Variants in RIOK1 observed in about 807,000 individuals in gnomAD.
RIOK1 encodes the protein RIO kinase 1, also known as serine/threonine-protein kinase RIO1.
A neutral mutation model predicts 73.5 loss-of-function variants in RIOK1; 66 were observed. The ratio of observed to expected loss-of-function variants is 0.90; its 90% CI spans 0.74 to 1.10. RIOK1 has a LOEUF of 1.10. Ranked by LOEUF, RIOK1 falls within the 50% of genes least tolerant of loss-of-function variation. The pLI is 0.00. For synonymous variants in RIOK1, 224 were observed against 226.8 expected, an observed-to-expected ratio of 0.99 and a Z score of 0.11; for missense variants, 658 against 699.8, an observed-to-expected ratio of 0.94 and a Z score of 0.67.
At chr6:7,400,554 GT>G (rs1178448048) in intron 5 of RIOK1, among the ~76,000 whole-genome samples, 8 of 152,134 alleles carry the variant, frequency 5.3e-5, no homozygotes, top group Admixed American at 5.2e-4. Flanking sequence ...AAATGATAGC[GT>G]TTTAGATATT....
chr6:7,395,513 CAAA>C (rs34911861), intron 3 of RIOK1, among the ~76,000 whole-genome samples: 2 of 108,160 alleles, frequency 1.8e-5, no homozygotes, highest in Admixed American at 9.3e-5. Context: ...AATTCCATCT[CAAA>C]AAAAAAAAAA....
chr6:7,417,275 C>A, intron 16 of RIOK1, 56 bp from the exon 17 acceptor site: 1 of 1,205,700 alleles, frequency 8.3e-7, no homozygotes, highest in Non-Finnish European at 1.2e-6. Flanking sequence ...AAAACAAAAA[C>A]AAAAAATGCA....
chr6:7,404,036 A>C lies in RIOK1; in HGVS notation c.854+9A>C. 1 of 1,565,064 alleles carries C rather than the reference A, an allele frequency of 6.4e-7. No individual in the cohort carries two copies. Among genetic ancestry groups the C allele is most frequent in the Non-Finnish European group, 8.8e-7 (1 of 1,136,370 alleles). On this transcript the variant is annotated intron_variant, in intron 9 of 16. Transcript: ENST00000379834. ...ATCGGTAAAGATGACATGTAAGTAC[A>C]TGGAAGGGCTAATAATTGCATTCTC... is the stretch of plus-strand genomic sequence containing the variant.
chr6:7,413,554 T>C (rs1761935012), intron 15 of RIOK1, among the ~76,000 whole-genome samples: 1 of 152,240 alleles, frequency 6.6e-6, no homozygotes, highest in African/African-American at 2.4e-5. Context: ...GTCTTTTCTG[T>C]GGAAAGAATT....
intron 13 of RIOK1, 51 bp downstream of exon 13, chr6:7,410,502 GTTT>G: frequency 1.0e-6 from 1 of 1,002,680 alleles, no homozygotes; most frequent in Non-Finnish European, 1.4e-6. Flanking sequence ...TGTTTTGAGG[GTTT>G]TTTTTTTTAT....
In RIOK1 at chr6:7,411,411, T is replaced by G. The variant is rs779642529; in HGVS notation, c.1349T>G (p.Leu450Trp). 1.8e-5 allele frequency: 29 copies of G among 1,613,922 alleles called. No individual in the cohort carries two copies. Among genetic ancestry groups the G allele is most frequent in the Non-Finnish European group, 2.2e-5 (26 of 1,179,926 alleles). Reference sequence around the variant, plus strand: ...AGGGATATGGACATAATTATGAAATTGAAGGAAGAGGACATGGCCATGAAT... The same window carrying G: ...AGGGATATGGACATAATTATGAAATGGAAGGAAGAGGACATGGCCATGAAT... Reference protein sequence around the residue: ...YERDMDIIMKLKEEDMAMNAQ... With the variant: ...YERDMDIIMKWKEEDMAMNAQ... Residue 450 changes from leucine to tryptophan, a missense_variant, in exon 14 of 17, where the codon TTG (leucine) becomes TGG (tryptophan). Physicochemically the swap from Leu to Trp is moderately conservative, Grantham distance 61. Transcript: ENST00000379834.
At position 7,414,398 on chromosome 6, in the gene RIOK1, A is replaced by G. The variant is rs1040959530; in HGVS notation, c.1596+8A>G. 6 of 1,596,920 alleles carry G rather than the reference A, an allele frequency of 3.8e-6. No homozygotes were observed. In the East Asian group the frequency reaches 1.1e-4, roughly 30 times the overall value. ...CCTGACATTGATAAAAAAGTAAGCA[A>G]TGAAATACCTTCCCCTTTTCTTTAG... On this transcript the variant is annotated splice_region_variant and intron_variant, in intron 16 of 16. Coordinates refer to ENST00000379834, the MANE Select transcript of RIOK1 (RefSeq NM_031480.3).
In RIOK1 at chr6:7,395,293, C is replaced by T. The variant is rs548330132; in HGVS notation, c.367+150C>T. The T allele has an allele frequency of 3.3e-5, 25 of 752,732 alleles. No homozygotes were observed. In the East Asian group the frequency reaches 6.9e-4, roughly 21 times the overall value. 46.6% of individuals were successfully genotyped at this position (752,732 alleles called of 1,614,324 possible). On this transcript the variant is annotated intron_variant, in intron 3 of 16. Coordinates refer to ENST00000379834, the MANE Select transcript of RIOK1 (RefSeq NM_031480.3). ...CTTTGGGAGGCTGAAGTGGGTGGAT[C>T]ACCTGAGGTCAGGAGTTTGAGACCA...
Position 7,404,913 on chromosome 6 carries a change from C to G in RIOK1, c.993-5C>G. ...TCCCACAGCTTCTGTGTCTCTGGCC[C>G]ATAGGTACCACGGTGGAGGCGTGTA... is the stretch of plus-strand genomic sequence containing the variant. On this transcript the variant is annotated splice_region_variant and splice_polypyrimidine_tract_variant and intron_variant, in intron 10 of 16. Coordinates refer to ENST00000379834, the MANE Select transcript of RIOK1 (RefSeq NM_031480.3). The G allele has an allele frequency of 1.9e-6, 3 of 1,610,890 alleles. No homozygotes were observed. Among genetic ancestry groups the G allele is most frequent in the Non-Finnish European group, 2.5e-6 (3 of 1,177,212 alleles).
Position 7,401,689 on chromosome 6 carries a change from C to CT in RIOK1, c.573+658dup, listed in dbSNP as rs35177259. Among the ~76,000 whole-genome samples the CT allele has an allele frequency of 6.4e-3, 702 of 109,234 alleles. 8 individuals are homozygous for CT. Among genetic ancestry groups the CT allele is most frequent in the South Asian group, 0.024 (82 of 3,396 alleles). The allele number at this position is 109,234 out of a possible 152,430, so 71.7% of individuals were successfully genotyped here. A position where few individuals can be genotyped will look rare whatever the true frequency, so the allele number is the denominator to read the frequency against. Reference sequence around the variant, plus strand: ...TTTTTAAATTTTTTTTAAACAGAGTCTTTTTTTTTTTTTTTTTTTGAGACA... The same window carrying CT: ...TTTTTAAATTTTTTTTAAACAGAGTCTTTTTTTTTTTTTTTTTTTTGAGACA... On this transcript the variant is annotated intron_variant, in intron 6 of 16. Transcript: ENST00000379834.
intron 2 of RIOK1, 92 bp downstream of exon 2, chr6:7,393,395 A>G: frequency 9.5e-7 from 1 of 1,056,618 alleles, no homozygotes; most frequent in East Asian, 2.4e-5. Context: ...TTGAATAACT[A>G]AAAGATTTTC....
chr6:7,402,389 G>A (rs974895034), intron 6 of RIOK1, among the ~76,000 whole-genome samples: 1 of 152,130 alleles, frequency 6.6e-6, no homozygotes, highest in African/African-American at 2.4e-5. Context: ...TAACTAAAAC[G>A]TTATGTGGCA....
rs369847797 is a variant in RIOK1 at position 7,414,314 on chromosome 6, C to T, written c.1520C>T (p.Ser507Phe). The T allele has an allele frequency of 6.2e-7, 1 of 1,613,788 alleles. No individual in the cohort carries two copies. Among genetic ancestry groups the T allele is most frequent in the Non-Finnish European group, 8.5e-7 (1 of 1,179,904 alleles). The change falls in exon 16 of 17, where the codon TCT becomes TTT. Residue 507 changes from serine to phenylalanine, a missense_variant. Ser to Phe is a radical substitution (Grantham distance 155, BLOSUM62 -2). Coordinates refer to ENST00000379834, the MANE Select transcript of RIOK1 (RefSeq NM_031480.3). Reference protein sequence around the residue: ...DSEDIGSSECSDTDSEEQGDH... With the variant: ...DSEDIGSSECFDTDSEEQGDH... ...GAAGATATTGGAAGCTCTGAGTGCT[C>T]TGACACAGACTCTGAAGAGCAGGGA...
chr6:7,408,300 G>C (rs1005797739), intron 12 of RIOK1, among the ~76,000 whole-genome samples: 2 of 152,334 alleles, frequency 1.3e-5, no homozygotes, highest in East Asian at 1.9e-4. Context: ...GCCTCCCAAA[G>C]TGCTGGGATT....
At chr6:7,405,168 C>T in intron 11 of RIOK1, 81 bp from the exon 12 acceptor site, 1 of 1,060,660 alleles carries the variant, frequency 9.4e-7, no homozygotes, top group East Asian at 2.5e-5. Flanking sequence ...GTAATTTTAT[C>T]TCCTTGTTTC....
intron 4 of RIOK1, among the ~76,000 whole-genome samples, chr6:7,397,014 A>G (rs1413239659): frequency 1.3e-5 from 2 of 152,128 alleles, no homozygotes; most frequent in Non-Finnish European, 1.5e-5. Context: ...CTGTAATCCC[A>G]TCACTTCAGA....
Position 7,414,219 on chromosome 6 carries a change from G to A in RIOK1, c.1444-19G>A. On this transcript the variant is annotated intron_variant, in intron 15 of 16. Transcript: ENST00000379834. ...TTTGTGTGTTGTTTAGAATAACATGGTTCTTTAATAATTTCAAGGTCCCTG... is the reference window on the plus strand; with the variant it reads ...TTTGTGTGTTGTTTAGAATAACATGATTCTTTAATAATTTCAAGGTCCCTG... 6.3e-7 allele frequency: 1 copy of A among 1,595,268 alleles called. No individual in the cohort carries two copies. The highest frequency in any genetic ancestry group is 1.1e-5 in the South Asian group (1 of 87,140).
chr6:7,404,521 C>T lies in RIOK1; in HGVS notation c.958C>T (p.Leu320Phe), dbSNP rs769846711. 3.7e-6 allele frequency: 6 copies of T among 1,614,150 alleles called. No homozygotes were observed. The South Asian group carries it at 5.5e-5, about 15-fold the overall frequency. Residue 320 changes from leucine to phenylalanine, a missense_variant, in exon 10 of 17, where the codon CTT (leucine) becomes TTT (phenylalanine). Coordinates refer to ENST00000379834, the MANE Select transcript of RIOK1 (RefSeq NM_031480.3). ...YMRRMYQDARLVHADLSEFNM... is the reference protein window; with the variant it reads ...YMRRMYQDARFVHADLSEFNM... ...GAGAAGAATGTATCAGGATGCCAGA[C>T]TTGTCCATGCAGATCTCAGTGAATT... is the stretch of plus-strand genomic sequence containing the variant.
At chr6:7,413,076 A>T in intron 15 of RIOK1, 134 bp downstream of exon 15, 1 of 477,410 alleles carries the variant, frequency 2.1e-6, no homozygotes, top group Non-Finnish European at 3.6e-6. Context: ...AAATGTTATA[A>T]TTGCTTTCAA....
Sources: allele counts gnomAD v4.1 joint callset (sites outside exome capture counted in the v4.1 genomes callset), GRCh38; gene constraint gnomAD v4.1.1; transcripts MANE v1.5; gene names NCBI Gene and HGNC (gene_info 2026-07-23, HGNC 2026-07-21).